The following SHROOM1 variants were observed in gnomAD, a reference collection of about 807,000 sequenced individuals.
SHROOM1 encodes the protein protein Shroom1.
SHROOM1 carries 53 observed loss-of-function variants against 64.2 expected under a neutral mutation model. The observed-to-expected ratio is 0.83, with a 90% CI of 0.66 to 1.04. SHROOM1 has a LOEUF of 1.04. SHROOM1 is among the 50% of genes least tolerant of loss of function. The pLI is 0.00. For synonymous variants in SHROOM1, 490 were observed against 518.9 expected (o/e 0.94, Z 0.76); for missense variants, 1,179 against 1,163.2 (o/e 1.01, Z -0.20).
rs1758810919 is a variant in SHROOM1 at position 132,830,466 on chromosome 5, GC to G, written c.-501+127del. On this transcript the variant is annotated intron_variant, in intron 1 of 9. Coordinates refer to ENST00000378679, the MANE Select transcript of SHROOM1 (RefSeq NM_001172700.2). The surrounding 1 kb of genome is among the most constrained non-coding windows in gnomAD (Gnocchi z 5.9). ...GCCAGACACGTCCCGGCCGAACGAT[GC>G]CCGGGCTGCCCCGCGACCACCGCCT... is the stretch of plus-strand genomic sequence containing the variant. 1 of 984,710 alleles carries G rather than the reference GC, an allele frequency of 1.0e-6. No individual in the cohort carries two copies. Among genetic ancestry groups the G allele is most frequent in the Admixed American group, 6.2e-5 (1 of 16,210 alleles). 61.0% of individuals were successfully genotyped at this position (984,710 alleles called of 1,614,324 possible).
At chr5:132,829,659 C>T (rs996351689) in intron 1 of SHROOM1, 1 of 985,358 alleles carries the variant, frequency 1.0e-6, no homozygotes, top group Non-Finnish European at 1.2e-6. Context: ...CAGGCCGCCC[C>T]TCCCAGCGGG....
Position 132,825,622 on chromosome 5 carries a change from G to T in SHROOM1, c.519C>A (p.Pro173=). ...LRMSLPARLR[P]TVPARPPATH... is the part of the protein sequence containing the mutation. ...TCGCCGGGGGCCGCGCTGGGACAGTGGGCCGCAGACGGGCGGGCAGGCTCA... is the reference window on the plus strand; with the variant it reads ...TCGCCGGGGGCCGCGCTGGGACAGTTGGCCGCAGACGGGCGGGCAGGCTCA... Residue 173 remains proline (P), a synonymous_variant, in exon 4 of 10, where the codon CCC becomes CCA. Coordinates refer to ENST00000378679, the MANE Select transcript of SHROOM1 (RefSeq NM_001172700.2). This position sits in a 1 kb window ranked among gnomAD's most constrained non-coding sequence, Gnocchi z 5.1. 7.4e-7 allele frequency: 1 copy of T among 1,351,006 alleles called. No individual in the cohort carries two copies. The highest frequency in any genetic ancestry group is 9.4e-7 in the Non-Finnish European group (1 of 1,058,630). The allele number at this position is 1,351,006 out of a possible 1,614,324, so 83.7% of individuals were successfully genotyped here. A position where few individuals can be genotyped will look rare whatever the true frequency, so the allele number is the denominator to read the frequency against.
Position 132,826,457 on chromosome 5 carries a change from C to T in SHROOM1, c.-223G>A. 2.8e-6 allele frequency: 1 copy of T among 352,374 alleles called. No individual in the cohort carries two copies. The highest frequency in any genetic ancestry group is 4.9e-6 in the Non-Finnish European group (1 of 202,860). 21.8% of individuals were successfully genotyped at this position (352,374 alleles called of 1,614,324 possible). ...CTCATTCCCTGCCAGGCTCCCCTTG[C>T]CCACACAAGCAGCCTTTACCCTGAG... is the stretch of plus-strand genomic sequence containing the variant. On this transcript the variant is annotated 5_prime_UTR_variant, in exon 3 of 10. Coordinates refer to ENST00000378679, the MANE Select transcript of SHROOM1 (RefSeq NM_001172700.2).
Position 132,822,900 on chromosome 5 carries a change from C to T in SHROOM1, c.2455G>A (p.Ala819Thr). The change falls in exon 10 of 10, where the codon GCC becomes ACC. Residue 819 changes from alanine (A) to threonine (T), a missense_variant. Physicochemically the swap from Ala to Thr is moderately conservative, Grantham distance 58 (BLOSUM62 0). Coordinates refer to ENST00000378679, the MANE Select transcript of SHROOM1 (RefSeq NM_001172700.2). The part of the protein sequence containing the change: ...RIRLLQDQLD[A>T]IRDDLGHHAP... ...TGATGGCCAAGGTCGTCCCTGATGG[C>T]GTCCAGTTGGTCCTGAAGGAGGCGG... The T allele has an allele frequency of 1.2e-6, 2 of 1,613,532 alleles. No individual in the cohort carries two copies. Among genetic ancestry groups the T allele is most frequent in the African/African-American group, 1.3e-5 (1 of 75,054 alleles).
chr5:132,829,231 C>T (rs1166767196), intron 1 of SHROOM1, among the ~76,000 whole-genome samples: 1 of 152,104 alleles, frequency 6.6e-6, no homozygotes, highest in African/African-American at 2.4e-5. Flanking sequence ...AATGAAGGAG[C>T]CAGAGAGGAA....
In SHROOM1 at chr5:132,824,642, G is replaced by C. The variant is rs1016740605; in HGVS notation, c.1214C>G (p.Pro405Arg). ...PLVRMRSPPD[P>R]HASQGPPASV... ...GGCTGGGGGCCCCTGGGAGGCATGG[G>C]GGTCTGGTGGTGATCTCATTCTGAC... The change falls in exon 6 of 10, where the codon CCC becomes CGC. Residue 405 changes from proline (P) to arginine (R), a missense_variant. Physicochemically the swap from Pro to Arg is moderately radical, Grantham distance 103 (BLOSUM62 -2). Transcript: ENST00000378679. The C allele has an allele frequency of 1.2e-6, 2 of 1,610,144 alleles. No homozygotes were observed. The highest frequency in any genetic ancestry group is 2.2e-5 in the South Asian group (2 of 91,016).
rs758095345 is a variant in SHROOM1, at chr5:132,825,251, G to C, written c.890C>G (p.Ala297Gly). 3.7e-6 allele frequency: 6 copies of C among 1,613,798 alleles called. No homozygotes were observed. The South Asian group carries it at 5.5e-5, about 15-fold the overall frequency. ...LDSGSLKLGD[A>G]FRPASRSRSA... Reference sequence around the variant, plus strand: ...CCGACTCCGACTGGCGGGCCTGAAGGCATCACCGAGCTTCAAGGACCCGGA... The same window carrying C: ...CCGACTCCGACTGGCGGGCCTGAAGCCATCACCGAGCTTCAAGGACCCGGA... Residue 297 changes from alanine to glycine, a missense_variant, in exon 4 of 10, where the codon GCC (alanine) becomes GGC (glycine). Transcript: ENST00000378679. The surrounding 1 kb of genome is among the most constrained non-coding windows in gnomAD (Gnocchi z 5.1).
chr5:132,830,183 G>T lies in SHROOM1; in HGVS notation c.-501+411C>A, dbSNP rs1758805111. On this transcript the variant is annotated intron_variant, in intron 1 of 9. Transcript: ENST00000378679. The surrounding 1 kb of genome is among the most constrained non-coding windows in gnomAD (Gnocchi z 5.9). ...CCTTTCCCGTTGGGTTCACCGTCGG[G>T]GAAGGATCGCGCGCAGGGGACAGCG... is the stretch of plus-strand genomic sequence containing the variant. 2.0e-6 allele frequency: 2 copies of T among 985,280 alleles called. No homozygotes were observed. Among genetic ancestry groups the T allele is most frequent in the Non-Finnish European group, 2.4e-6 (2 of 829,866 alleles). The allele number at this position is 985,280 out of a possible 1,614,324, so 61.0% of individuals were successfully genotyped here.
At position 132,825,085 on chromosome 5, in the gene SHROOM1, AAC is replaced by A; in HGVS notation, c.979-14_979-13del. The A allele has an allele frequency of 6.2e-7, 1 of 1,614,066 alleles. No individual in the cohort carries two copies. The highest frequency in any genetic ancestry group is 1.1e-5 in the South Asian group (1 of 91,070). On this transcript the variant is annotated splice_polypyrimidine_tract_variant and intron_variant, in intron 4 of 9. Transcript: ENST00000378679. The surrounding 1 kb of genome is among the most constrained non-coding windows in gnomAD (Gnocchi z 5.1). Reference sequence around the variant, plus strand: ...CCTTGGGGAACAGCCTGGAAGGGTGAACAGTCGACTGAAATGTGGCTCAAGTT... The same window carrying A: ...CCTTGGGGAACAGCCTGGAAGGGTGAAGTCGACTGAAATGTGGCTCAAGTT...
At position 132,830,315 on chromosome 5, in the gene SHROOM1, G is replaced by A. The variant is rs1009823123; in HGVS notation, c.-501+279C>T. ...GCTGCCCGCCGGCGCCACACGCGGCGCGCCCAGCCGCGCCCCTGAGCCGCG... is the reference window on the plus strand; with the variant it reads ...GCTGCCCGCCGGCGCCACACGCGGCACGCCCAGCCGCGCCCCTGAGCCGCG... On this transcript the variant is annotated intron_variant, in intron 1 of 9. Coordinates refer to ENST00000378679, the MANE Select transcript of SHROOM1 (RefSeq NM_001172700.2). This position sits in a 1 kb window ranked among gnomAD's most constrained non-coding sequence, Gnocchi z 5.9. The A allele has an allele frequency of 2.0e-6, 2 of 985,002 alleles. No individual in the cohort carries two copies. The highest frequency in any genetic ancestry group is 3.5e-5 in the African/African-American group (2 of 57,184). The allele number at this position is 985,002 out of a possible 1,614,324, so 61.0% of individuals were successfully genotyped here.
In SHROOM1 at chr5:132,823,237, G is replaced by A. The variant is rs1184932703; in HGVS notation, c.2226+13C>T. On this transcript the variant is annotated intron_variant, in intron 9 of 9. Transcript: ENST00000378679. The surrounding 1 kb of genome is among the most constrained non-coding windows in gnomAD (Gnocchi z 4.6). ...TCACCGCCCTACTCGCTTGCAACCT[G>A]AACCCCTTTTACCTGCTCATCAGGG... 1.3e-6 allele frequency: 2 copies of A among 1,587,976 alleles called. No individual in the cohort carries two copies. Among genetic ancestry groups the A allele is most frequent in the East Asian group, 2.2e-5 (1 of 44,658 alleles).
intron 1 of SHROOM1, among the ~76,000 whole-genome samples, chr5:132,828,727 A>G (rs1223301039): frequency 2.6e-5 from 4 of 152,168 alleles, no homozygotes; most frequent in African/African-American, 9.7e-5. Context: ...AACAGCTTGA[A>G]TGGGCAATAA....
chr5:132,828,291 G>A (rs2150033534), intron 1 of SHROOM1, among the ~76,000 whole-genome samples: 1 of 152,268 alleles, frequency 6.6e-6, no homozygotes, highest in Admixed American at 6.5e-5. Flanking sequence ...TCCCAGGAGA[G>A]GCTCTCAGCA....
rs1214351605 is a variant in SHROOM1, at chr5:132,825,331, A to G, written c.810T>C (p.Asp270=). Residue 270 remains aspartate (D), a synonymous_variant, in exon 4 of 10, where the codon GAT becomes GAC. Coordinates refer to ENST00000378679, the MANE Select transcript of SHROOM1 (RefSeq NM_001172700.2). This position sits in a 1 kb window ranked among gnomAD's most constrained non-coding sequence, Gnocchi z 5.1. ...TCTCGGGCAGCCATCCGACCTCGTG[A>G]TCTTCAAACTTAGCCAGCGCCGGAT... The part of the protein sequence containing the change: ...FQHPALAKFE[D]HEVGWLPETQ... 2.5e-6 allele frequency: 4 copies of G among 1,606,780 alleles called. No homozygotes were observed. In the Admixed American group the frequency reaches 6.7e-5, roughly 27 times the overall value.
rs1308196960 is a variant in SHROOM1, at chr5:132,823,970, G to A, written c.1691C>T (p.Pro564Leu). ...PSLCDPLASQPSPEPPLGLLD... is the reference protein window; with the variant it reads ...PSLCDPLASQLSPEPPLGLLD... ...CAGGCCCAGGGGTGGCTCTGGGCTG[G>A]GCTGGGAAGCAAGAGGGTCACATAG... is the stretch of plus-strand genomic sequence containing the variant. Residue 564 changes from proline to leucine, a missense_variant, in exon 7 of 10, where the codon CCC (proline) becomes CTC (leucine). Coordinates refer to ENST00000378679, the MANE Select transcript of SHROOM1 (RefSeq NM_001172700.2). The surrounding 1 kb of genome is among the most constrained non-coding windows in gnomAD (Gnocchi z 4.6). 2 of 1,603,442 alleles carry A rather than the reference G, an allele frequency of 1.2e-6. No individual in the cohort carries two copies. Among genetic ancestry groups the A allele is most frequent in the African/African-American group, 2.7e-5 (2 of 74,820 alleles).
In SHROOM1 at chr5:132,822,792, A is replaced by G. The variant is rs750516586; in HGVS notation, c.*4T>C. On this transcript the variant is annotated 3_prime_UTR_variant, in exon 10 of 10. Coordinates refer to ENST00000378679, the MANE Select transcript of SHROOM1 (RefSeq NM_001172700.2). ...GCGGTGCACCCCACCCTCTCCACCT[A>G]TAACTATGTAAGGAGAAGAGGGAAG... 2 of 1,591,392 alleles carry G rather than the reference A, an allele frequency of 1.3e-6. No homozygotes were observed. Among genetic ancestry groups the G allele is most frequent in the East Asian group, 2.3e-5 (1 of 43,964 alleles).
chr5:132,825,578 G>A lies in SHROOM1; in HGVS notation c.563C>T (p.Ser188Leu). 7.1e-7 allele frequency: 1 copy of A among 1,401,682 alleles called. No homozygotes were observed. Among genetic ancestry groups the A allele is most frequent in the East Asian group, 2.8e-5 (1 of 35,330 alleles). 86.8% of individuals were successfully genotyped at this position (1,401,682 alleles called of 1,614,324 possible). ...RPPATHPRSA[S>L]LSHPGGEGEP... ...CCCCTCCCCGCCCGGGTGGCTGAGC[G>A]AGGCGGAGCGCGGGTGAGTCGCCGG... is the stretch of plus-strand genomic sequence containing the variant. Residue 188 changes from serine (S) to leucine (L), a missense_variant, in exon 4 of 10, where the codon TCG (serine) becomes TTG (leucine). Physicochemically the swap from Ser to Leu is moderately radical, Grantham distance 145. Coordinates refer to ENST00000378679, the MANE Select transcript of SHROOM1 (RefSeq NM_001172700.2). The surrounding 1 kb of genome is among the most constrained non-coding windows in gnomAD (Gnocchi z 5.1).
chr5:132,823,033 C>G lies in SHROOM1; in HGVS notation c.2322G>C (p.Arg774=). Reference sequence around the variant, plus strand: ...CCGGTAGTGCTCGCACCAGCACCTCCCGCACGGCCCGCTCGCGCCGCGCTA... The same window carrying G: ...CCGGTAGTGCTCGCACCAGCACCTCGCGCACGGCCCGCTCGCGCCGCGCTA... ...EHVARRERAV[R]EVLVRALPVE... is the part of the protein sequence containing the mutation. The change falls in exon 10 of 10, where the codon CGG becomes CGC. Residue 774 remains arginine, a synonymous_variant. Coordinates refer to ENST00000378679, the MANE Select transcript of SHROOM1 (RefSeq NM_001172700.2). This position sits in a 1 kb window ranked among gnomAD's most constrained non-coding sequence, Gnocchi z 4.6. 1 of 1,599,952 alleles carries G rather than the reference C, an allele frequency of 6.3e-7. No homozygotes were observed. Among genetic ancestry groups the G allele is most frequent in the Non-Finnish European group, 8.5e-7 (1 of 1,179,016 alleles).
chr5:132,830,083 CGGCGGCCGCAGGG>C lies in SHROOM1; in HGVS notation c.-501+498_-501+510del, dbSNP rs1758802594. On this transcript the variant is annotated intron_variant, in intron 1 of 9. Transcript: ENST00000378679. The surrounding 1 kb of genome is among the most constrained non-coding windows in gnomAD (Gnocchi z 5.9). ...ACGGGAGGGAGAGAGGCGCAGGCCC[CGGCGGCCGCAGGG>C]GGCGGCAGAGACACGCGGAGCGGCT... is the stretch of plus-strand genomic sequence containing the variant. The C allele has an allele frequency of 1.0e-6, 1 of 985,226 alleles. No individual in the cohort carries two copies. The highest frequency in any genetic ancestry group is 1.7e-5 in the African/African-American group (1 of 57,202). The allele number at this position is 985,226 out of a possible 1,614,324, so 61.0% of individuals were successfully genotyped here.
Sources: allele counts gnomAD v4.1 joint callset (sites outside exome capture counted in the v4.1 genomes callset), GRCh38; gene constraint gnomAD v4.1.1; non-coding constraint Gnocchi (gnomAD v3.1); transcripts MANE v1.5; gene names NCBI Gene and HGNC (gene_info 2026-07-23, HGNC 2026-07-21).